Variants in ELF1 observed in about 807,000 individuals in gnomAD.
The protein encoded by ELF1 is E74 like ETS transcription factor 1.
A neutral mutation model predicts 59.9 loss-of-function variants in ELF1; 24 were observed. The ratio of observed to expected loss-of-function variants is 0.40; its 90% CI spans 0.29 to 0.56. The LOEUF is 0.56. ELF1 is among the 20% of genes least tolerant of loss of function. The pLI, the probability that ELF1 is intolerant of heterozygous loss-of-function variation, is 0.44. For synonymous variants in ELF1, 248 were observed against 266.2 expected (o/e 0.93, Z 0.67); for missense variants, 627 against 742.2 (o/e 0.84, Z 1.80).
intron 1 of ELF1, among the ~76,000 whole-genome samples, chr13:41,010,274 GAAA>G (rs1874977161): frequency 8.5e-6 from 1 of 117,314 alleles, no homozygotes; most frequent in East Asian, 2.4e-4. Flanking sequence ...AAGAAAGAAA[GAAA>G]GGAAAAAAAA....
intron 1 of ELF1, among the ~76,000 whole-genome samples, chr13:41,035,606 AAG>A (rs1330878328): frequency 6.6e-6 from 1 of 152,100 alleles, no homozygotes; most frequent in Admixed American, 6.6e-5. Context: ...TGCATCTGTA[AAG>A]AGAGAATAGC....
chr13:40,977,813 T>C (rs1873006070), intron 2 of ELF1, among the ~76,000 whole-genome samples: 1 of 152,156 alleles, frequency 6.6e-6, no homozygotes, highest in South Asian at 2.1e-4. Flanking sequence ...AAAATGATTC[T>C]AATGAAAACA....
intron 1 of ELF1, among the ~76,000 whole-genome samples, chr13:41,010,616 TA>T (rs1287167249): frequency 2.6e-5 from 4 of 152,170 alleles, no homozygotes; most frequent in African/African-American, 9.7e-5. Flanking sequence ...AAATGGAGGT[TA>T]ATTAGTAAAA....
chr13:41,032,561 A>C lies in ELF1; in HGVS notation c.-229+28277T>G, dbSNP rs181553642. On this transcript the variant is annotated intron_variant, in intron 1 of 1. Transcript: ENST00000405737. ...TAAAACAAATATTCTATTTATAAGG[A>C]GATTAAGAAAAAACAGGGCCGGGCA... 3.5e-3 allele frequency among the ~76,000 whole-genome samples: 540 copies of C among 152,138 alleles called. 2 individuals are homozygous for C. Among genetic ancestry groups the C allele is most frequent in the African/African-American group, 0.012 (500 of 41,502 alleles).
intron 1 of ELF1, among the ~76,000 whole-genome samples, chr13:40,998,007 G>A (rs1437726531): frequency 1.3e-5 from 2 of 152,050 alleles, no homozygotes; most frequent in Non-Finnish European, 2.9e-5. Context: ...AAAATTCGCT[G>A]GGTGTGGTGG....
At chr13:41,030,776 T>A (rs1378606792) in intron 1 of ELF1, among the ~76,000 whole-genome samples, 1 of 149,984 alleles carries the variant, frequency 6.7e-6, no homozygotes, top group Non-Finnish European at 1.5e-5. Flanking sequence ...GTAATTTTGT[T>A]GTGAAAGGGT....
chr13:41,042,218 T>C (rs1283168074), intron 1 of ELF1, among the ~76,000 whole-genome samples: 2 of 152,126 alleles, frequency 1.3e-5, no homozygotes, highest in African/African-American at 4.8e-5. Context: ...AGGCAAAGTT[T>C]CACTTTGCAC....
chr13:40,950,218 G>C (rs1299015266), intron 4 of ELF1, among the ~76,000 whole-genome samples: 1 of 152,052 alleles, frequency 6.6e-6, no homozygotes, highest in Non-Finnish European at 1.5e-5. Flanking sequence ...CTCTCCTCTT[G>C]ATTATTCACA....
At chr13:41,039,965 G>C (rs904868771) in intron 1 of ELF1, among the ~76,000 whole-genome samples, 1 of 152,088 alleles carries the variant, frequency 6.6e-6, no homozygotes, top group African/African-American at 2.4e-5. Flanking sequence ...CCTCAGAGCA[G>C]AAAAACAATG....
At chr13:40,984,052 G>A (rs983505791) in intron 1 of ELF1, among the ~76,000 whole-genome samples, 4 of 152,148 alleles carry the variant, frequency 2.6e-5, no homozygotes, top group African/African-American at 7.2e-5. Flanking sequence ...ATGAATTGTA[G>A]TACATTGTCT....
rs143712082 is a variant in ELF1 at position 40,936,476 on chromosome 13, G to A, written c.1257-2448C>T. Among the ~76,000 whole-genome samples the A allele has an allele frequency of 3.1e-3, 477 of 152,154 alleles. 1 individual carries two copies. The highest frequency in any genetic ancestry group is 6.8e-3 in the Middle Eastern group (2 of 294). ...AGAAAAAGATGTCCTTTTCTTGGCC[G>A]GGCACGGTGGCTCATGCCTGTAATC... On this transcript the variant is annotated intron_variant, in intron 8 of 8. Coordinates refer to ENST00000239882, the MANE Select transcript of ELF1 (RefSeq NM_172373.4).
At chr13:41,013,528 C>T (rs1875194661) in intron 1 of ELF1, among the ~76,000 whole-genome samples, 2 of 152,046 alleles carry the variant, frequency 1.3e-5, no homozygotes, top group African/African-American at 2.4e-5. Context: ...AAAAGATTAT[C>T]GCAAAAGTCA....
chr13:41,041,841 C>G (rs1271761875), intron 1 of ELF1, among the ~76,000 whole-genome samples: 2 of 152,104 alleles, frequency 1.3e-5, no homozygotes, highest in African/African-American at 4.8e-5. Flanking sequence ...TCCAGATGAT[C>G]AGAAGTTAGT....
intron 2 of ELF1, among the ~76,000 whole-genome samples, chr13:40,966,069 AAAC>A (rs1872155531): frequency 6.6e-6 from 1 of 152,222 alleles, no homozygotes; most frequent in Admixed American, 6.5e-5. Flanking sequence ...TTAGTAATTC[AAAC>A]AATTACATTT....
At chr13:40,971,615 G>A (rs1419356069) in intron 2 of ELF1, among the ~76,000 whole-genome samples, 1 of 152,124 alleles carries the variant, frequency 6.6e-6, no homozygotes, top group Non-Finnish European at 1.5e-5. Flanking sequence ...AAAACATAAA[G>A]GTCTAAGTAA....
chr13:41,060,298 C>A (rs1298919107), intron 1 of ELF1, among the ~76,000 whole-genome samples: 1 of 152,200 alleles, frequency 6.6e-6, no homozygotes, highest in Non-Finnish European at 1.5e-5. Context: ...GGCTCTGGGG[C>A]GCCCAGGGCA....
At chr13:41,061,134 A>C in exon 1 of ELF1, 1 of 192,298 alleles carries the variant, frequency 5.2e-6, no homozygotes, top group South Asian at 8.3e-5. Context: ...ACCCCGACCC[A>C]CAGGTCCCGG....
intron 7 of ELF1, among the ~76,000 whole-genome samples, chr13:40,942,287 A>G (rs757383464): frequency 2.0e-5 from 3 of 152,208 alleles, no homozygotes; most frequent in East Asian, 1.9e-4. Context: ...TTTTATATCT[A>G]TATCTGTCTA....
At chr13:41,061,386 C>A (rs749668279) in exon 1 of ELF1, 3 of 546,836 alleles carry the variant, frequency 5.5e-6, no homozygotes, top group Non-Finnish European at 9.8e-6. Flanking sequence ...CGCGCTTTTA[C>A]CCCTTCCCGG....
Sources: gnomAD v4.1 joint callset for allele counts (sites outside exome capture counted in the v4.1 genomes callset) on GRCh38, gnomAD v4.1.1 for gene constraint, MANE v1.5 for transcripts, NCBI Gene and HGNC (gene_info 2026-07-23, HGNC 2026-07-21) for gene names.